EXT1: variants seen among roughly 807,000 people sequenced by gnomAD.
EXT1 encodes the protein exostosin glycosyltransferase 1.
In EXT1, 20 loss-of-function variants were observed where a neutral mutation model predicts 82.5. That is an observed-to-expected ratio of 0.24 (90% CI 0.17 to 0.35). The LOEUF (loss-of-function observed/expected upper bound fraction) is 0.35, where lower values mean the gene tolerates loss of function less well. Among genes scored for constraint, EXT1 ranks in the 10% least tolerant of loss-of-function variants. The pLI, the probability that EXT1 is intolerant of heterozygous loss-of-function variation, is 1.00. For synonymous variants in EXT1, 348 were observed against 350.8 expected, an observed-to-expected ratio of 0.99 and a Z score of 0.09; for missense variants, 757 against 936.5, an observed-to-expected ratio of 0.81 and a Z score of 2.50.
At chr8:117,950,657 G>C (rs975470504) in intron 1 of EXT1, among the ~76,000 whole-genome samples, 1 of 152,156 alleles carries the variant, frequency 6.6e-6, no homozygotes, top group Admixed American at 6.5e-5. Flanking sequence ...GATAGAACCA[G>C]GGATAAACAC....
chr8:118,076,119 A>G (rs1435934313), intron 1 of EXT1, among the ~76,000 whole-genome samples: 1 of 152,228 alleles, frequency 6.6e-6, no homozygotes, highest in Non-Finnish European at 1.5e-5. Flanking sequence ...AATATTCCAA[A>G]AGAACCTCCC....
intron 1 of EXT1, among the ~76,000 whole-genome samples, chr8:117,852,210 C>T (rs1812467419): frequency 6.6e-6 from 1 of 152,182 alleles, no homozygotes; most frequent in Non-Finnish European, 1.5e-5. Context: ...AGTTATTGTA[C>T]ACAATTGCAC....
At chr8:117,802,416 T>C (rs886371800) in intron 10 of EXT1, among the ~76,000 whole-genome samples, 8 of 152,218 alleles carry the variant, frequency 5.3e-5, no homozygotes, top group Non-Finnish European at 1.0e-4. Context: ...ATGACTATTG[T>C]CCCATATACT....
At chr8:117,863,660 A>G (rs949811713) in intron 1 of EXT1, among the ~76,000 whole-genome samples, 3 of 152,082 alleles carry the variant, frequency 2.0e-5, no homozygotes, top group South Asian at 2.1e-4. Context: ...AAATCAGCGC[A>G]CTAGATATCT....
intron 1 of EXT1, among the ~76,000 whole-genome samples, chr8:117,860,394 T>C (rs1812661106): frequency 6.6e-6 from 1 of 152,092 alleles, no homozygotes; most frequent in African/African-American, 2.4e-5. Flanking sequence ...GAAATCTACC[T>C]ATTGGGTACA....
chr8:117,920,100 TTTTTA>T (rs1387255437), intron 1 of EXT1, among the ~76,000 whole-genome samples: 3 of 152,032 alleles, frequency 2.0e-5, no homozygotes, highest in South Asian at 4.1e-4. Flanking sequence ...GAAAATTCAA[TTTTTA>T]TTTTATTTTA....
At chr8:117,849,345 T>C (rs1812417220) in intron 1 of EXT1, among the ~76,000 whole-genome samples, 1 of 152,220 alleles carries the variant, frequency 6.6e-6, no homozygotes, top group Non-Finnish European at 1.5e-5. Context: ...GTTCCTGTTC[T>C]TATTCACCAC....
chr8:117,926,757 G>A (rs905165365), intron 1 of EXT1, among the ~76,000 whole-genome samples: 3 of 152,104 alleles, frequency 2.0e-5, no homozygotes, highest in Non-Finnish European at 2.9e-5. Flanking sequence ...CAACAAAAAC[G>A]CTTATATAAA....
chr8:117,986,194 T>TTC lies in EXT1; in HGVS notation c.962+123890_962+123891insGA, dbSNP rs376632524. Among the ~76,000 whole-genome samples, 722 of 147,740 alleles carry TTC rather than the reference T, an allele frequency of 4.9e-3. 7 individuals carry two copies. The highest frequency in any genetic ancestry group is 0.015 in the African/African-American group (601 of 40,086). On this transcript the variant is annotated intron_variant, in intron 1 of 10. Transcript: ENST00000378204. The stretch of plus-strand genomic sequence containing the variant: ...TTGCTTAACTATTCTTTTCTTTTTT[T>TTC]TTTTTTTTTTTTTGAGACGAAGTCT...
At chr8:117,968,428 C>CT (rs1273640849) in intron 1 of EXT1, among the ~76,000 whole-genome samples, 1 of 152,026 alleles carries the variant, frequency 6.6e-6, no homozygotes, top group Non-Finnish European at 1.5e-5. Context: ...CCAAAATTTA[C>CT]TTTTTTCAAA....
chr8:117,930,020 G>A (rs1478046328), intron 1 of EXT1, among the ~76,000 whole-genome samples: 1 of 152,046 alleles, frequency 6.6e-6, no homozygotes, highest in African/African-American at 2.4e-5. Flanking sequence ...AGGCAGACTT[G>A]CTTGAACCTG....
chr8:117,873,039 G>A (rs1812901420), intron 1 of EXT1, among the ~76,000 whole-genome samples: 3 of 152,118 alleles, frequency 2.0e-5, no homozygotes, highest in Non-Finnish European at 4.4e-5. Flanking sequence ...ATGATGATGT[G>A]GAGCTTTTGG....
intron 1 of EXT1, among the ~76,000 whole-genome samples, chr8:117,845,337 T>A (rs749075145): frequency 1.3e-5 from 2 of 152,156 alleles, no homozygotes; most frequent in African/African-American, 2.4e-5. Flanking sequence ...CGCCAGGTCA[T>A]AATCTCTTAT....
At chr8:117,890,060 T>G (rs1465821574) in intron 1 of EXT1, among the ~76,000 whole-genome samples, 1 of 152,228 alleles carries the variant, frequency 6.6e-6, no homozygotes, top group Non-Finnish European at 1.5e-5. Flanking sequence ...TGGCATTGTA[T>G]CTTTTACATC....
At chr8:118,085,426 G>T (rs1403299055) in intron 1 of EXT1, among the ~76,000 whole-genome samples, 1 of 151,436 alleles carries the variant, frequency 6.6e-6, no homozygotes, top group Non-Finnish European at 1.5e-5. Context: ...ATTTCCTATA[G>T]ATTTATGGTA....
rs889836376 is a variant in EXT1 at position 117,804,715 on chromosome 8, T to G, written c.2055+7A>C. ...GAAGCAAGGGAAGAGGGCTCTTCTA[T>G]ACTTACCTGTCCCATCATTGTCTCC... On this transcript the variant is annotated splice_region_variant and intron_variant, in intron 10 of 10. Coordinates refer to ENST00000378204, the MANE Select transcript of EXT1 (RefSeq NM_000127.3). The G allele has an allele frequency of 6.2e-7, 1 of 1,613,910 alleles. No individual in the cohort carries two copies. Among genetic ancestry groups the G allele is most frequent in the Admixed American group, 1.7e-5 (1 of 60,006 alleles).
chr8:117,868,769 A>G (rs531899848), intron 1 of EXT1, among the ~76,000 whole-genome samples: 11 of 152,156 alleles, frequency 7.2e-5, no homozygotes, highest in Non-Finnish European at 1.5e-4. Flanking sequence ...CAGTAGAGGT[A>G]GGTAGAGGCT....
At chr8:118,103,921 G>GA (rs1308128833) in intron 1 of EXT1, among the ~76,000 whole-genome samples, 8 of 152,132 alleles carry the variant, frequency 5.3e-5, no homozygotes, top group Non-Finnish European at 8.8e-5. Flanking sequence ...TAAAGCAATG[G>GA]AAAAAAGATC....
intron 1 of EXT1, among the ~76,000 whole-genome samples, chr8:118,103,089 G>A (rs1817751553): frequency 6.6e-6 from 1 of 152,190 alleles, no homozygotes; most frequent in Non-Finnish European, 1.5e-5. Context: ...GGAGGAGGAG[G>A]TTGCGGTAAG....
Sources: gnomAD v4.1 joint callset for allele counts (sites outside exome capture counted in the v4.1 genomes callset) on GRCh38, gnomAD v4.1.1 for gene constraint, MANE v1.5 for transcripts, NCBI Gene and HGNC (gene_info 2026-07-23, HGNC 2026-07-21) for gene names.